PPM1B: variants seen among roughly 807,000 people sequenced by gnomAD.
The protein encoded by PPM1B is protein phosphatase 1B.
PPM1B carries 22 observed loss-of-function variants against 43.0 expected under a neutral mutation model. The observed-to-expected ratio is 0.51, with a 90% CI of 0.37 to 0.73. The LOEUF is 0.73. Among genes scored for constraint, PPM1B ranks in the 30% least tolerant of loss-of-function variants. PPM1B has a pLI of 0.00. For synonymous variants in PPM1B, 217 were observed against 197.9 expected (o/e 1.10, Z -0.81); for missense variants, 632 against 584.2 (o/e 1.08, Z -0.84).
chr2:44,186,855 C>T (rs1019941181), intron 1 of PPM1B, among the ~76,000 whole-genome samples: 5 of 151,812 alleles, frequency 3.3e-5, no homozygotes, highest in Non-Finnish European at 7.4e-5. Flanking sequence ...ACTCTTACCC[C>T]CAAAAGCTTA....
At chr2:44,245,892 T>C (rs964944164), downstream of PPM1B, among the ~76,000 whole-genome samples, 2 of 152,220 alleles carry the variant, frequency 1.3e-5, no homozygotes, top group Non-Finnish European at 2.9e-5. Flanking sequence ...CTCCATTCCT[T>C]TGGAGCTGGT....
intron 3 of PPM1B, among the ~76,000 whole-genome samples, chr2:44,214,297 G>C (rs908823162): frequency 9.9e-5 from 15 of 151,836 alleles, no homozygotes; most frequent in Admixed American, 2.6e-4. Context: ...GCTCAATCTC[G>C]TGACCTCGTG....
chr2:44,192,188 A>ACGGTAT (rs1668435729), intron 1 of PPM1B, among the ~76,000 whole-genome samples: 1 of 142,042 alleles, frequency 7.0e-6, no homozygotes, highest in Admixed American at 7.1e-5. Context: ...ATGTTATGTT[A>ACGGTAT]TGGTATTGTA....
downstream of PPM1B, among the ~76,000 whole-genome samples, chr2:44,239,139 A>C (rs1165333273): frequency 6.9e-6 from 1 of 145,544 alleles, no homozygotes; most frequent in Non-Finnish European, 1.5e-5. Context: ...GGATCACTGC[A>C]TGCCAGCCTG....
At chr2:44,221,584 G>T (rs1268291333) in intron 5 of PPM1B, among the ~76,000 whole-genome samples, 1 of 152,016 alleles carries the variant, frequency 6.6e-6, no homozygotes, top group Non-Finnish European at 1.5e-5. Context: ...TAAAAATTAA[G>T]TTTTTTTAAA....
chr2:44,234,687 C>T (rs141539593), downstream of PPM1B: 441 of 843,264 alleles, frequency 5.2e-4, no homozygotes, highest in African/African-American at 7.9e-3. Context: ...GGTCTGAGGA[C>T]CCACTTATAC....
chr2:44,240,733 T>G (rs1670725631), intron 5 of PPM1B, among the ~76,000 whole-genome samples: 1 of 145,870 alleles, frequency 6.9e-6, no homozygotes, highest in Admixed American at 6.8e-5. Flanking sequence ...AATAACTCCT[T>G]AGCCTACTAG....
At chr2:44,237,700 A>G (rs1328689689), downstream of PPM1B, among the ~76,000 whole-genome samples, 2 of 152,220 alleles carry the variant, frequency 1.3e-5, no homozygotes, top group Non-Finnish European at 2.9e-5. Context: ...AATCTGTGCA[A>G]CAAATGTATT....
At chr2:44,188,169 G>C (rs531620715) in intron 1 of PPM1B, among the ~76,000 whole-genome samples, 21 of 152,292 alleles carry the variant, frequency 1.4e-4, no homozygotes, top group African/African-American at 5.1e-4. Flanking sequence ...TAAGAAGGGG[G>C]ATGGATTGAG....
intron 1 of PPM1B, among the ~76,000 whole-genome samples, chr2:44,187,434 C>G (rs921135085): frequency 3.9e-5 from 6 of 152,174 alleles, no homozygotes; most frequent in Admixed American, 1.3e-4. Context: ...GATACATACA[C>G]AGAAGTGGCA....
At position 44,201,093 on chromosome 2, in the gene PPM1B, A is replaced by G. The variant is rs1668911094; in HGVS notation, c.-14-93A>G. 1.6e-6 allele frequency: 2 copies of G among 1,290,304 alleles called. No individual in the cohort carries two copies. The highest frequency in any genetic ancestry group is 2.8e-5 in the Admixed American group (1 of 35,898). The allele number at this position is 1,290,304 out of a possible 1,614,324, so 79.9% of individuals were successfully genotyped here. A position where few individuals can be genotyped will look rare whatever the true frequency, so the allele number is the denominator to read the frequency against. On this transcript the variant is annotated intron_variant, in intron 1 of 5. Coordinates refer to ENST00000282412, the MANE Select transcript of PPM1B (RefSeq NM_002706.6). This position sits in a 1 kb window ranked among gnomAD's most constrained non-coding sequence, Gnocchi z 5.4. Reference sequence around the variant, plus strand: ...AAATTAGGATAATACTAAAAAAAATACTTGAGGTAGGAGTTACTAGACTAT... The same window carrying G: ...AAATTAGGATAATACTAAAAAAAATGCTTGAGGTAGGAGTTACTAGACTAT...
intron 1 of PPM1B, among the ~76,000 whole-genome samples, chr2:44,193,680 A>G (rs1254019236): frequency 6.7e-6 from 1 of 150,294 alleles, no homozygotes; most frequent in African/African-American, 2.5e-5. Flanking sequence ...CTCAGGTTCA[A>G]GTGATCCTGC....
chr2:44,236,318 G>T (rs906045146), downstream of PPM1B, among the ~76,000 whole-genome samples: 5 of 148,864 alleles, frequency 3.4e-5, no homozygotes, highest in African/African-American at 1.3e-4. Flanking sequence ...CAGGAGAATC[G>T]CTTGAACCTG....
chr2:44,182,597 C>G (rs1053935998), intron 1 of PPM1B, among the ~76,000 whole-genome samples: 1 of 152,084 alleles, frequency 6.6e-6, no homozygotes, highest in South Asian at 2.1e-4. Context: ...TTCTTGATTA[C>G]CTAATATTTA....
chr2:44,235,351 C>T (rs1572765309), downstream of PPM1B, among the ~76,000 whole-genome samples: 1 of 152,160 alleles, frequency 6.6e-6, no homozygotes, highest in Non-Finnish European at 1.5e-5. Context: ...TGCCTGTAAT[C>T]CCAGCACTTT....
intron 1 of PPM1B, among the ~76,000 whole-genome samples, chr2:44,188,966 T>G (rs1183471848): frequency 7.9e-5 from 12 of 152,128 alleles, no homozygotes; most frequent in Admixed American, 7.9e-4. Flanking sequence ...TCTTCTGGGC[T>G]AAGGTAATCT....
chr2:44,207,635 G>C (rs149793509), intron 2 of PPM1B, among the ~76,000 whole-genome samples: 1 of 151,660 alleles, frequency 6.6e-6, no homozygotes, highest in African/African-American at 2.4e-5. Flanking sequence ...GAGTGCAGTG[G>C]TGTCATCACG....
At position 44,201,091 on chromosome 2, in the gene PPM1B, A is replaced by T; in HGVS notation, c.-14-95A>T. ...GTAAATTAGGATAATACTAAAAAAAATACTTGAGGTAGGAGTTACTAGACT... is the reference window on the plus strand; with the variant it reads ...GTAAATTAGGATAATACTAAAAAAATTACTTGAGGTAGGAGTTACTAGACT... On this transcript the variant is annotated intron_variant, in intron 1 of 5. Transcript: ENST00000282412. This position sits in a 1 kb window ranked among gnomAD's most constrained non-coding sequence, Gnocchi z 5.4. 7 of 1,284,168 alleles carry T rather than the reference A, an allele frequency of 5.5e-6. No homozygotes were observed. The highest frequency in any genetic ancestry group is 7.4e-6 in the Non-Finnish European group (7 of 950,350). The allele number at this position is 1,284,168 out of a possible 1,614,324, so 79.5% of individuals were successfully genotyped here. A position where few individuals can be genotyped will look rare whatever the true frequency, so the allele number is the denominator to read the frequency against.
downstream of PPM1B, among the ~76,000 whole-genome samples, chr2:44,238,651 A>C (rs1024906427): frequency 1.3e-5 from 2 of 152,050 alleles, no homozygotes; most frequent in African/African-American, 4.8e-5. Context: ...GCAGTGAGCC[A>C]AAATCGTGCC....
Sources: gnomAD v4.1 joint callset for allele counts (sites outside exome capture counted in the v4.1 genomes callset) on GRCh38, gnomAD v4.1.1 for gene constraint, Gnocchi (gnomAD v3.1) non-coding constraint, MANE v1.5 for transcripts, NCBI Gene and HGNC (gene_info 2026-07-23, HGNC 2026-07-21) for gene names.